PPP2R3B: variants seen among roughly 807,000 people sequenced by gnomAD.
PPP2R3B encodes the protein protein phosphatase 2 regulatory subunit B''beta.
A neutral mutation model predicts 72.9 loss-of-function variants in PPP2R3B; 68 were observed. The ratio of observed to expected loss-of-function variants is 0.93; its 90% CI spans 0.77 to 1.14. The LOEUF (loss-of-function observed/expected upper bound fraction) is 1.14, where lower values mean the gene tolerates loss of function less well. PPP2R3B is among the 50% of genes most tolerant of loss of function. PPP2R3B has a pLI of 0.00. For synonymous variants in PPP2R3B, 466 were observed against 375.8 expected (o/e 1.24, Z -2.78); for missense variants, 1,018 against 842.0 (o/e 1.21, Z -2.59).
At chrX:362,310 A>G (rs192632931) in intron 1 of PPP2R3B, 8 of 153,130 alleles carry the variant, frequency 5.2e-5, no homozygotes, top group Admixed American at 1.3e-4. Context: ...ATTTGATCTC[A>G]TCCCGTGATG....
chrX:345,982 A>G (rs1461559700), intron 6 of PPP2R3B, among the ~76,000 whole-genome samples, 192 bp downstream of exon 6: 2 of 139,090 alleles, frequency 1.4e-5, no homozygotes, highest in Non-Finnish European at 1.6e-5. Flanking sequence ...TGGACCCCCA[A>G]CCGCAGGCGG....
chrX:370,922 G>A (rs1439595653), intron 1 of PPP2R3B, among the ~76,000 whole-genome samples: 9 of 152,190 alleles, frequency 5.9e-5, no homozygotes, highest in Admixed American at 1.3e-4. Flanking sequence ...GGGTCTGTGC[G>A]TCCACCCGAA....
chrX:354,242 A>ACCGGGGGCTC (rs2071396554), intron 2 of PPP2R3B, among the ~76,000 whole-genome samples: 1 of 64,010 alleles, frequency 1.6e-5, no homozygotes, highest in Non-Finnish European at 3.2e-5. Context: ...GGCTCACCCA[A>ACCGGGGGCTC]ACACTGGGGG....
intron 2 of PPP2R3B, among the ~76,000 whole-genome samples, chrX:357,036 C>A (rs2738388): frequency 0.27 from 40,666 of 151,960 alleles, 5,739 homozygotes; most frequent in East Asian, 0.39. Flanking sequence ...TATTACTTGT[C>A]CATTCAAAAT....
chrX:346,657 C>G lies in PPP2R3B; in HGVS notation c.792+44G>C, dbSNP rs775057579. 7.7e-6 allele frequency: 12 copies of G among 1,560,102 alleles called. No homozygotes were observed. In the East Asian group the frequency reaches 1.8e-4, roughly 24 times the overall value. On this transcript the variant is annotated intron_variant, in intron 5 of 12. Transcript: ENST00000390665. ...CCGCGGCGGCCGCTGCAGAAACACC[C>G]GCGCCCCGCGCTGGAACCGACGGCC...
At chrX:352,794 C>T (rs1478298338) in intron 2 of PPP2R3B, among the ~76,000 whole-genome samples, 3 of 151,648 alleles carry the variant, frequency 2.0e-5, no homozygotes, top group South Asian at 2.1e-4. Flanking sequence ...GTTCAGCACG[C>T]GTTCCTCGGC....
At chrX:381,220 C>T (rs983119527) in intron 1 of PPP2R3B, among the ~76,000 whole-genome samples, 4 of 152,188 alleles carry the variant, frequency 2.6e-5, no homozygotes, top group Admixed American at 2.0e-4. Context: ...TGCACCCGGC[C>T]AATGCTCACA....
chrX:386,511 C>T lies in PPP2R3B; in HGVS notation c.181G>A (p.Ala61Thr). ...DGEQPGAWPT[A>T]PLAAPRPSGL... is the part of the protein sequence containing the mutation. ...CTGGGCCGGGGGGCGGCGAGCGGGG[C>T]TGTGGGCCAGGCCCCGGGCTGCTCC... The change falls in exon 1 of 13, where the codon GCC becomes ACC. Residue 61 changes from alanine to threonine, a missense_variant. Coordinates refer to ENST00000390665, the MANE Select transcript of PPP2R3B (RefSeq NM_013239.5). 7.5e-7 allele frequency: 1 copy of T among 1,340,412 alleles called. No homozygotes were observed. The allele number at this position is 1,340,412 out of a possible 1,614,324, so 83.0% of individuals were successfully genotyped here.
Position 334,272 on chromosome X carries a change from C to T in PPP2R3B, c.*95G>A, listed in dbSNP as rs1054342593. On this transcript the variant is annotated 3_prime_UTR_variant, in exon 13 of 13. Coordinates refer to ENST00000390665, the MANE Select transcript of PPP2R3B (RefSeq NM_013239.5). Reference sequence around the variant, plus strand: ...ATAAAAGTTTATCATTCCGTACAAACGCACTCATTTTCCACAACAGTTTTT... The same window carrying T: ...ATAAAAGTTTATCATTCCGTACAAATGCACTCATTTTCCACAACAGTTTTT... 152 of 1,304,868 alleles carry T rather than the reference C, an allele frequency of 1.2e-4. No homozygotes were observed. In the Middle Eastern group the frequency reaches 1.7e-3, roughly 15 times the overall value. 80.8% of individuals were successfully genotyped at this position (1,304,868 alleles called of 1,614,324 possible). A position where few individuals can be genotyped will look rare whatever the true frequency, so the allele number is the denominator to read the frequency against.
chrX:341,176 C>G, intron 9 of PPP2R3B, 131 bp downstream of exon 9: 2 of 831,834 alleles, frequency 2.4e-6, no homozygotes, highest in South Asian at 1.5e-5. Context: ...CAGCCCCCAC[C>G]GGGCGTGCAC....
At chrX:366,578 C>G (rs866011597) in intron 1 of PPP2R3B, among the ~76,000 whole-genome samples, 1 of 4,656 alleles carries the variant, frequency 2.1e-4, no homozygotes, top group Non-Finnish European at 3.9e-4. Flanking sequence ...GGTGCCTGTA[C>G]TCCCAGCTAC....
intron 7 of PPP2R3B, among the ~76,000 whole-genome samples, chrX:344,342 G>A (rs62581477): frequency 0.77 from 113,295 of 147,268 alleles, 43,866 homozygotes; most frequent in Middle Eastern, 0.84. Context: ...CTCACCAACG[G>A]GAGGCAGGAG....
chrX:346,175 T>C lies in PPP2R3B; in HGVS notation c.878A>G (p.Gln293Arg). The C allele has an allele frequency of 1.3e-6, 2 of 1,555,770 alleles. No individual in the cohort carries two copies. The highest frequency in any genetic ancestry group is 8.7e-7 in the Non-Finnish European group (1 of 1,153,050). ...CAELRRSSFLQNVALLEEEAD... is the reference protein window; with the variant it reads ...CAELRRSSFLRNVALLEEEAD... ...AGGGGACAGGGGGCCGCTCCGCACC[T>C]GCAGGAAGGAGCTCCTCCGCAGCTC... The change falls in exon 6 of 13, where the codon CAG (glutamine) becomes CGG (arginine). Residue 293 changes from glutamine to arginine, a missense_variant and splice_region_variant. Transcript: ENST00000390665.
At chrX:359,220 G>A (rs1326090840) in intron 2 of PPP2R3B, among the ~76,000 whole-genome samples, 6 of 152,240 alleles carry the variant, frequency 3.9e-5, no homozygotes, top group Admixed American at 3.9e-4. Flanking sequence ...AAGGATGAAG[G>A]TGTCCCAGCA....
chrX:361,117 C>T (rs1472643266), intron 2 of PPP2R3B, among the ~76,000 whole-genome samples: 4 of 152,160 alleles, frequency 2.6e-5, no homozygotes, highest in East Asian at 1.9e-4. Flanking sequence ...TGGCACAGGG[C>T]GGGCCTGCGC....
chrX:350,059 G>A (rs188836215), intron 2 of PPP2R3B, among the ~76,000 whole-genome samples: 35 of 152,326 alleles, frequency 2.3e-4, no homozygotes, highest in Non-Finnish European at 4.4e-4. Flanking sequence ...AACTCACAGG[G>A]GGACCAAGTT....
chrX:355,763 T>C (rs1270791536), intron 2 of PPP2R3B, among the ~76,000 whole-genome samples: 2 of 152,130 alleles, frequency 1.3e-5, no homozygotes, highest in African/African-American at 4.8e-5. Flanking sequence ...TTCCAGAAAA[T>C]TCCGGCTAAT....
intron 2 of PPP2R3B, among the ~76,000 whole-genome samples, chrX:356,776 G>T (rs1457411887): frequency 8.8e-6 from 1 of 113,616 alleles, no homozygotes; most frequent in Non-Finnish European, 1.9e-5. Context: ...CATACGGCCA[G>T]GGACACATAG....
Position 341,875 on chromosome X carries a change from G to C in PPP2R3B, c.1085+8C>G, listed in dbSNP as rs760330110. On this transcript the variant is annotated splice_region_variant and intron_variant, in intron 8 of 12. Transcript: ENST00000390665. The stretch of plus-strand genomic sequence containing the variant: ...ATGGCTGCCGTCAGGCGCCTGAGCC[G>C]TACGTACCGTGTGACTGCTCCTGAG... 1 of 1,612,488 alleles carries C rather than the reference G, an allele frequency of 6.2e-7. No homozygotes were observed. The highest frequency in any genetic ancestry group is 1.7e-5 in the Admixed American group (1 of 60,006).
Sources: allele counts gnomAD v4.1 joint callset (sites outside exome capture counted in the v4.1 genomes callset), GRCh38; gene constraint gnomAD v4.1.1; transcripts MANE v1.5; gene names NCBI Gene and HGNC (gene_info 2026-07-23, HGNC 2026-07-21).